The following ITGA9 variants were observed in gnomAD, a reference collection of about 807,000 sequenced individuals.
The protein encoded by ITGA9 is integrin alpha-9.
ITGA9 carries 56 observed loss-of-function variants against 127.8 expected under a neutral mutation model. The observed-to-expected ratio is 0.44, with a 90% CI of 0.35 to 0.55. The LOEUF is 0.55. Among genes scored for constraint, ITGA9 ranks in the 20% least tolerant of loss-of-function variants. The pLI is 0.00. For missense variants in ITGA9, 1,196 were observed against 1,347.1 expected (o/e 0.89, Z 1.76); for synonymous variants, 508 against 514.5 (o/e 0.99, Z 0.17).
intron 14 of ITGA9, among the ~76,000 whole-genome samples, chr3:37,539,110 G>A (rs764248897): frequency 3.9e-5 from 6 of 152,184 alleles, no homozygotes; most frequent in African/African-American, 1.4e-4. Context: ...CAGTACTTCC[G>A]GATCAGTACT....
chr3:37,813,126 T>C (rs1697388472), intron 27 of ITGA9, among the ~76,000 whole-genome samples: 1 of 152,222 alleles, frequency 6.6e-6, no homozygotes, highest in South Asian at 2.1e-4. Context: ...TGAAGTACTA[T>C]AGCAGGCTGA....
intron 15 of ITGA9, among the ~76,000 whole-genome samples, chr3:37,617,745 T>G (rs1292885818): frequency 6.6e-6 from 1 of 152,248 alleles, no homozygotes; most frequent in African/African-American, 2.4e-5. Context: ...TTTCTTCTAG[T>G]TGATCGAATT....
Position 37,820,887 on chromosome 3 carries a change from A to G in ITGA9, c.*1898A>G, listed in dbSNP as rs541827459. ...GAAGCTAACACGTTGGGAGTCCGTG[A>G]ACATTGTCAAAAAGACATCAAACTC... is the stretch of plus-strand genomic sequence containing the variant. On this transcript the variant is annotated 3_prime_UTR_variant, in exon 28 of 28. Transcript: ENST00000264741. The G allele has an allele frequency of 6.6e-6, 1 of 152,340 alleles. No homozygotes were observed. Among genetic ancestry groups the G allele is most frequent in the East Asian group, 1.9e-4 (1 of 5,190 alleles). The allele number at this position is 152,340 out of a possible 1,614,324, so 9.4% of individuals were successfully genotyped here. A position where few individuals can be genotyped will look rare whatever the true frequency, so the allele number is the denominator to read the frequency against.
chr3:37,584,792 G>T (rs1050173043), intron 15 of ITGA9, among the ~76,000 whole-genome samples: 4 of 151,780 alleles, frequency 2.6e-5, no homozygotes, highest in Non-Finnish European at 5.9e-5. Context: ...TAATACAGTC[G>T]ATCACAGGCA....
At chr3:37,557,055 A>G (rs1184143305) in intron 15 of ITGA9, among the ~76,000 whole-genome samples, 5 of 152,134 alleles carry the variant, frequency 3.3e-5, no homozygotes, top group African/African-American at 9.7e-5. Flanking sequence ...CAGTTTTTTT[A>G]AACTTCACTG....
intron 20 of ITGA9, 91 bp from the exon 21 acceptor site, chr3:37,741,639 T>C: frequency 1.0e-6 from 1 of 989,736 alleles, no homozygotes. Flanking sequence ...TTGGAGAATG[T>C]AGAGATTCAA....
At chr3:37,524,348 A>G (rs549273391) in intron 12 of ITGA9, among the ~76,000 whole-genome samples, 38 of 152,238 alleles carry the variant, frequency 2.5e-4, no homozygotes, top group Admixed American at 5.9e-4. Flanking sequence ...TTTTATAGTC[A>G]TCTTGCTTTT....
intron 18 of ITGA9, among the ~76,000 whole-genome samples, chr3:37,691,846 A>G (rs898171013): frequency 1.3e-5 from 2 of 152,196 alleles, no homozygotes; most frequent in Admixed American, 6.5e-5. Context: ...GTGTCCATGG[A>G]ATTTTTAGAA....
Position 37,785,016 on chromosome 3 carries a change from G to A in ITGA9, c.2827G>A (p.Val943Met), listed in dbSNP as rs1411839330. Residue 943 changes from valine (V) to methionine (M), a missense_variant, in exon 26 of 28, where the codon GTG (valine) becomes ATG (methionine). Coordinates refer to ENST00000264741, the MANE Select transcript of ITGA9 (RefSeq NM_002207.3). ...SVIQFMSRAKVKVDPALRVVE... is the reference protein window; with the variant it reads ...SVIQFMSRAKMKVDPALRVVE... Reference sequence around the variant, plus strand: ...CATCCAGTTCATGTCCCGCGCCAAGGTGAAGGTGGATCCTGCCCTAAGGGT... The same window carrying A: ...CATCCAGTTCATGTCCCGCGCCAAGATGAAGGTGGATCCTGCCCTAAGGGT... 6.2e-7 allele frequency: 1 copy of A among 1,614,180 alleles called. No individual in the cohort carries two copies. The highest frequency in any genetic ancestry group is 8.5e-7 in the Non-Finnish European group (1 of 1,180,034).
intron 27 of ITGA9, among the ~76,000 whole-genome samples, chr3:37,816,833 A>C (rs1307956959): frequency 6.6e-6 from 1 of 152,196 alleles, no homozygotes; most frequent in East Asian, 1.9e-4. Context: ...GAAGCTCAGA[A>C]CACAAGACTC....
rs538398065 is a variant in ITGA9 at position 37,599,980 on chromosome 3, C to T, written c.1690-29207C>T. Among the ~76,000 whole-genome samples the T allele has an allele frequency of 4.2e-4, 64 of 152,196 alleles. No individual in the cohort carries two copies. The South Asian group carries it at 0.013, about 32-fold the overall frequency. ...GAGATTCGTAAAGCAGTAAGGAATG[C>T]ATAGTCAGCTATACTGGAAATTTGG... On this transcript the variant is annotated intron_variant, in intron 15 of 27. Transcript: ENST00000264741.
intron 16 of ITGA9, among the ~76,000 whole-genome samples, chr3:37,635,800 TC>T (rs1700272230): frequency 8.6e-6 from 1 of 116,054 alleles, no homozygotes; most frequent in African/African-American, 3.4e-5. Context: ...CCCACAACCG[TC>T]CCCGGTGTGT....
intron 21 of ITGA9, 111 bp downstream of exon 21, chr3:37,741,930 C>T: frequency 1.3e-6 from 1 of 783,398 alleles, no homozygotes. Flanking sequence ...TGTGCCACCT[C>T]CACTTCCTCC....
chr3:37,509,484 C>T (rs1262339207), intron 8 of ITGA9, among the ~76,000 whole-genome samples: 4 of 151,984 alleles, frequency 2.6e-5, no homozygotes. Context: ...CATAGGATGT[C>T]TGGGACATGG....
chr3:37,703,669 GCTTGCACTTTTCTCT>G (rs1338220513), intron 18 of ITGA9, among the ~76,000 whole-genome samples: 1 of 152,204 alleles, frequency 6.6e-6, no homozygotes. Flanking sequence ...TAAGCAGAAA[GCTTGCACTTTTCTCT>G]GTTCTCTGAA....
chr3:37,781,566 G>A (rs937814118), intron 25 of ITGA9, among the ~76,000 whole-genome samples: 4 of 152,320 alleles, frequency 2.6e-5, no homozygotes, highest in South Asian at 2.1e-4. Flanking sequence ...GGTGGCTCTT[G>A]AAGAATCATA....
intron 19 of ITGA9, chr3:37,733,022 T>G (rs1575212685): frequency 1.8e-6 from 1 of 554,646 alleles, no homozygotes; most frequent in African/African-American, 1.9e-5. Flanking sequence ...ATTCACATGA[T>G]GTACCCCAAA....
chr3:37,567,126 G>A (rs141232768), intron 15 of ITGA9, among the ~76,000 whole-genome samples: 333 of 152,298 alleles, frequency 2.2e-3, no homozygotes, highest in Middle Eastern at 0.02. Flanking sequence ...AAGAACAAGA[G>A]GTTTAATGAA....
At chr3:37,605,494 T>G (rs1699959746) in intron 15 of ITGA9, among the ~76,000 whole-genome samples, 1 of 152,162 alleles carries the variant, frequency 6.6e-6, no homozygotes, top group Non-Finnish European at 1.5e-5. Context: ...TGGAGCGAAT[T>G]CTAATTCTGC....
Sources: allele counts gnomAD v4.1 joint callset (sites outside exome capture counted in the v4.1 genomes callset), GRCh38; gene constraint gnomAD v4.1.1; transcripts MANE v1.5; gene names NCBI Gene and HGNC (gene_info 2026-07-23, HGNC 2026-07-21).